AK7: variants seen among roughly 807,000 people sequenced by gnomAD.
AK7 encodes ATP-AMP transphosphorylase 7.
In AK7, 78 loss-of-function variants were observed where a neutral mutation model predicts 96.6. The ratio of observed to expected loss-of-function variants is 0.81; its 90% CI spans 0.67 to 0.97. The LOEUF is 0.97. Among genes scored for constraint, AK7 ranks in the 50% least tolerant of loss-of-function variants. AK7 has a pLI of 0.00. For missense variants in AK7, 855 were observed against 887.9 expected (o/e 0.96, Z 0.47); for synonymous variants, 302 against 317.2 (o/e 0.95, Z 0.51).
At chr14:96,409,288 A>G (rs1427030822) in intron 4 of AK7, among the ~76,000 whole-genome samples, 1 of 152,248 alleles carries the variant, frequency 6.6e-6, no homozygotes, top group Non-Finnish European at 1.5e-5. Context: ...AAAAAGAAAT[A>G]TAGGCTGGGT....
intron 5 of AK7, among the ~76,000 whole-genome samples, chr14:96,437,409 C>T (rs556758683): frequency 6.6e-6 from 1 of 152,104 alleles, no homozygotes; most frequent in Non-Finnish European, 1.5e-5. Flanking sequence ...AGTGCCTAAA[C>T]TGCTTGTCCA....
intron 2 of AK7, among the ~76,000 whole-genome samples, chr14:96,400,183 C>T (rs1003565602): frequency 1.3e-5 from 2 of 151,698 alleles, no homozygotes; most frequent in Admixed American, 6.6e-5. Context: ...GGACTACAAG[C>T]GCGTGCCACC....
intron 5 of AK7, among the ~76,000 whole-genome samples, chr14:96,426,817 C>G (rs1892054171): frequency 6.6e-6 from 1 of 152,176 alleles, no homozygotes. Context: ...TTTCTTTTCT[C>G]TTGCTGCTTT....
rs369458683 is a variant in AK7, at chr14:96,451,540, C to T, written c.1068C>T (p.Leu356=). 251 of 1,577,160 alleles carry T rather than the reference C, an allele frequency of 1.6e-4. No individual in the cohort carries two copies. Among genetic ancestry groups the T allele is most frequent in the Non-Finnish European group, 2.1e-4 (240 of 1,159,248 alleles). The part of the protein sequence containing the change: ...TGFVENINTI[L]KEYKQSRGLM... ...TTGTGGAAAATATCAACACTATCCT[C>T]AAGGAGTACAAGCAAAGCAGAGGAT... Residue 356 remains leucine (L), a synonymous_variant, in exon 10 of 18, where the codon CTC becomes CTT. Coordinates refer to ENST00000267584, the MANE Select transcript of AK7 (RefSeq NM_152327.5).
At chr14:96,404,089 A>T (rs1189193327) in intron 2 of AK7, among the ~76,000 whole-genome samples, 2 of 147,528 alleles carry the variant, frequency 1.4e-5, no homozygotes, top group Non-Finnish European at 3.0e-5. Context: ...GGTTGCAGTG[A>T]GCTGAGATCA....
intron 2 of AK7, among the ~76,000 whole-genome samples, chr14:96,400,030 CTTTTTTTTTTTTTTT>C (rs34001068): frequency 1.2e-5 from 1 of 86,346 alleles, no homozygotes; most frequent in Non-Finnish European, 2.2e-5. Flanking sequence ...CAAAAACAAT[CTTTTTTTTTTTTTTT>C]TTTTTTTTTT....
intron 6 of AK7, 82 bp from the exon 7 acceptor site, chr14:96,442,648 C>T (rs897173330): frequency 2.8e-6 from 3 of 1,080,534 alleles, no homozygotes; most frequent in Non-Finnish European, 2.9e-6. Flanking sequence ...TTTCAGTTGC[C>T]TCTGACTGTA....
At chr14:96,403,130 A>G (rs1254851134) in intron 2 of AK7, among the ~76,000 whole-genome samples, 1 of 151,084 alleles carries the variant, frequency 6.6e-6, no homozygotes, top group African/African-American at 2.4e-5. Flanking sequence ...AAATAAATAA[A>G]TAAATAAATA....
At chr14:96,408,069 A>G (rs1795247470) in intron 3 of AK7, among the ~76,000 whole-genome samples, 1 of 152,192 alleles carries the variant, frequency 6.6e-6, no homozygotes, top group South Asian at 2.1e-4. Flanking sequence ...GTTGTTGATT[A>G]CCAAACGTTT....
rs1317248097 is a variant in AK7, at chr14:96,393,846, G to A, written c.105+1587G>A. 3.9e-5 allele frequency among the ~76,000 whole-genome samples: 6 copies of A among 152,216 alleles called. No individual in the cohort carries two copies. In the East Asian group the frequency reaches 5.8e-4, roughly 15 times the overall value. On this transcript the variant is annotated intron_variant, in intron 1 of 17. Coordinates refer to ENST00000267584, the MANE Select transcript of AK7 (RefSeq NM_152327.5). ...CAAAAAACAGAGATTTAGGGTGGGC[G>A]TGGTGTAATACTAGCACTTTGGGAG...
chr14:96,463,507 C>T lies in AK7; in HGVS notation c.1357+5295C>T, dbSNP rs1446841528. ...GGCCGAGGCGGGCGGATCACGAGGT[C>T]AGGAGATCGACACCATCCTGGCTAA... is the stretch of plus-strand genomic sequence containing the variant. On this transcript the variant is annotated intron_variant, in intron 12 of 17. Coordinates refer to ENST00000267584, the MANE Select transcript of AK7 (RefSeq NM_152327.5). 3.3e-5 allele frequency among the ~76,000 whole-genome samples: 5 copies of T among 151,860 alleles called. No homozygotes were observed. The South Asian group carries it at 1.0e-3, about 32-fold the overall frequency.
rs1420510331 is a variant in AK7, at chr14:96,412,233, T to C, written c.498+3292T>C. ...TTCTTCCTTTCTTTCTTTCTTTTTT[T>C]TTTTTTTTTTTTGAGATGAAGTCTT... On this transcript the variant is annotated intron_variant, in intron 4 of 17. Coordinates refer to ENST00000267584, the MANE Select transcript of AK7 (RefSeq NM_152327.5). Among the ~76,000 whole-genome samples, 4 of 148,812 alleles carry C rather than the reference T, an allele frequency of 2.7e-5. 1 individual carries two copies. Among genetic ancestry groups the C allele is most frequent in the Non-Finnish European group, 4.5e-5 (3 of 67,124 alleles).
chr14:96,407,645 A>T (rs970202605), intron 3 of AK7, among the ~76,000 whole-genome samples: 19 of 145,258 alleles, frequency 1.3e-4, no homozygotes, highest in Admixed American at 1.0e-3. Flanking sequence ...GCAGTGGCGC[A>T]ATCTCGGCTC....
chr14:96,477,281 G>A (rs566232933), intron 14 of AK7, among the ~76,000 whole-genome samples: 4 of 152,230 alleles, frequency 2.6e-5, no homozygotes, highest in South Asian at 2.1e-4. Flanking sequence ...CACATGCCTC[G>A]GGGACACACC....
At position 96,446,713 on chromosome 14, in the gene AK7, G is replaced by A. The variant is rs1002704409; in HGVS notation, c.870+106G>A. On this transcript the variant is annotated intron_variant, in intron 8 of 17. Coordinates refer to ENST00000267584, the MANE Select transcript of AK7 (RefSeq NM_152327.5). ...CCTAGCATTTTGGGAGTCCGAGGCG[G>A]GTGGATCACCTGAGGTCAGGAGCTC... is the stretch of plus-strand genomic sequence containing the variant. The A allele has an allele frequency of 6.6e-6, 6 of 912,162 alleles. No homozygotes were observed. In the South Asian group the frequency reaches 8.8e-5, roughly 13 times the overall value. 56.5% of individuals were successfully genotyped at this position (912,162 alleles called of 1,614,324 possible).
At chr14:96,395,718 GAAAAAAAAAAA>G (rs71103518) in intron 1 of AK7, among the ~76,000 whole-genome samples, 9,759 of 41,064 alleles carry the variant, frequency 0.24, 567 homozygotes, top group African/African-American at 0.31. Flanking sequence ...CTTGTCTCTA[GAAAAAAAAAAA>G]AAAAAAAAAA....
In AK7 at chr14:96,483,112, C is replaced by CGGAA. The variant is rs1181014331; in HGVS notation, c.1870_1873dup (p.Ala625GlufsTer13). ...AGACGAAGAAAAGGCAGAAGAGGAGCGGAAGGCTGCGGAGGAGCGGCTGGC... is the reference window on the plus strand; with the variant it reads ...AGACGAAGAAAAGGCAGAAGAGGAGCGGAAGGAAGGCTGCGGAGGAGCGGCTGGC... On this transcript the variant is annotated frameshift_variant, in exon 16 of 18. Coordinates refer to ENST00000267584, the MANE Select transcript of AK7 (RefSeq NM_152327.5). LOFTEE classifies it high-confidence loss of function. The CGGAA allele has an allele frequency of 1.2e-6, 2 of 1,613,996 alleles. No homozygotes were observed. Among genetic ancestry groups the CGGAA allele is most frequent in the African/African-American group, 2.7e-5 (2 of 74,922 alleles).
chr14:96,446,706 C>T (rs556594589), intron 8 of AK7, 99 bp downstream of exon 8: 113 of 1,006,696 alleles, frequency 1.1e-4, no homozygotes, highest in African/African-American at 8.4e-4. Context: ...TTTGGGAGTC[C>T]GAGGCGGGTG....
intron 4 of AK7, among the ~76,000 whole-genome samples, chr14:96,413,624 C>T (rs1891166074): frequency 6.6e-6 from 1 of 152,164 alleles, no homozygotes; most frequent in African/African-American, 2.4e-5. Flanking sequence ...TTCCCTACAC[C>T]CTGCCCACAT....
Sources: allele counts gnomAD v4.1 joint callset (sites outside exome capture counted in the v4.1 genomes callset), GRCh38; gene constraint gnomAD v4.1.1; transcripts MANE v1.5; gene names NCBI Gene and HGNC (gene_info 2026-07-23, HGNC 2026-07-21).